The following DGKE variants were observed in gnomAD, a reference collection of about 807,000 sequenced individuals.
DGKE encodes the protein DAG kinase epsilon.
In DGKE, 53 loss-of-function variants were observed where a neutral mutation model predicts 70.0. That is an observed-to-expected ratio of 0.76 (90% CI 0.61 to 0.95). DGKE has a LOEUF of 0.95. Among genes scored for constraint, DGKE ranks in the 40% least tolerant of loss-of-function variants. DGKE has a pLI of 0.00. For missense variants in DGKE, 655 were observed against 706.9 expected, an observed-to-expected ratio of 0.93 and a Z score of 0.83; for synonymous variants, 291 against 257.0, an observed-to-expected ratio of 1.13 and a Z score of -1.27.
intron 3 of DGKE, among the ~76,000 whole-genome samples, chr17:56,845,376 A>G (rs1006331288): frequency 6.6e-6 from 1 of 152,170 alleles, no homozygotes; most frequent in South Asian, 2.1e-4. Flanking sequence ...TTTAAGTCCA[A>G]ACTTTCTAAT....
Position 56,845,670 on chromosome 17 carries a change from C to T in DGKE, c.625-20C>T, listed in dbSNP as rs901931356. On this transcript the variant is annotated intron_variant, in intron 3 of 11. Coordinates refer to ENST00000284061, the MANE Select transcript of DGKE (RefSeq NM_003647.3). ...ATCTTTAAGATACTAAACCTTTTCA[C>T]TCATGGCAATTTTTTTTAGCTAGCC... 3.1e-6 allele frequency: 5 copies of T among 1,600,348 alleles called. No homozygotes were observed. Among genetic ancestry groups the T allele is most frequent in the Non-Finnish European group, 2.6e-6 (3 of 1,175,146 alleles).
At chr17:56,849,903 C>G (rs1026285788) in intron 7 of DGKE, among the ~76,000 whole-genome samples, 6 of 151,864 alleles carry the variant, frequency 4.0e-5, no homozygotes, top group African/African-American at 1.5e-4. Flanking sequence ...GGAATAAAGA[C>G]AGAGCTAGAG....
chr17:56,869,295 C>T lies in DGKE; in HGVS notation c.*6504C>T, dbSNP rs1437751448. 1.3e-5 allele frequency: 2 copies of T among 152,176 alleles called. No homozygotes were observed. Among genetic ancestry groups the T allele is most frequent in the Non-Finnish European group, 1.5e-5 (1 of 68,042 alleles). 9.4% of individuals were successfully genotyped at this position (152,176 alleles called of 1,614,324 possible). On this transcript the variant is annotated 3_prime_UTR_variant, in exon 12 of 12. Transcript: ENST00000284061. ...TATTGGTTGGCAACTAATTGACTATCGTCTACCATAAGGTTATATGATAAT... is the reference window on the plus strand; with the variant it reads ...TATTGGTTGGCAACTAATTGACTATTGTCTACCATAAGGTTATATGATAAT...
rs536286278 is a variant in DGKE at position 56,869,009 on chromosome 17, C to A, written c.*6218C>A. 1 of 152,124 alleles carries A rather than the reference C, an allele frequency of 6.6e-6. No homozygotes were observed. Among genetic ancestry groups the A allele is most frequent in the African/African-American group, 2.4e-5 (1 of 41,416 alleles). The allele number at this position is 152,124 out of a possible 1,614,324, so 9.4% of individuals were successfully genotyped here. A position where few individuals can be genotyped will look rare whatever the true frequency, so the allele number is the denominator to read the frequency against. ...AAAATGTATCACTTATTTGAAATACCTGAATGGAAACCCAGCCTCTACTAC... is the reference window on the plus strand; with the variant it reads ...AAAATGTATCACTTATTTGAAATACATGAATGGAAACCCAGCCTCTACTAC... On this transcript the variant is annotated 3_prime_UTR_variant, in exon 12 of 12. Coordinates refer to ENST00000284061, the MANE Select transcript of DGKE (RefSeq NM_003647.3).
rs1908471596 is a variant in DGKE at position 56,864,930 on chromosome 17, T to A, written c.*2139T>A. The A allele has an allele frequency of 6.6e-6, 1 of 152,190 alleles. No homozygotes were observed. Among genetic ancestry groups the A allele is most frequent in the Non-Finnish European group, 1.5e-5 (1 of 68,010 alleles). The allele number at this position is 152,190 out of a possible 1,614,324, so 9.4% of individuals were successfully genotyped here. ...CCCTCATTTATCTAAATAAGTTGAT[T>A]TTTTGGTTATTGTAATCTAGTAAGG... On this transcript the variant is annotated 3_prime_UTR_variant, in exon 12 of 12. Transcript: ENST00000284061.
intron 9 of DGKE, among the ~76,000 whole-genome samples, chr17:56,861,019 G>C (rs750333243): frequency 6.6e-6 from 1 of 152,242 alleles, no homozygotes; most frequent in African/African-American, 2.4e-5. Context: ...CAACCGCTCT[G>C]TGAGGGATGC....
chr17:56,851,601 T>C (rs1187316981), intron 7 of DGKE, among the ~76,000 whole-genome samples: 3 of 152,218 alleles, frequency 2.0e-5, no homozygotes, highest in Non-Finnish European at 4.4e-5. Context: ...TTGCCTTTTA[T>C]GCCTTACTCT....
chr17:56,840,273 C>T (rs796667629), intron 2 of DGKE, among the ~76,000 whole-genome samples: 3 of 152,236 alleles, frequency 2.0e-5, no homozygotes, highest in African/African-American at 7.2e-5. Flanking sequence ...TTTTATGAAT[C>T]GTGTTAGGAC....
At chr17:56,856,437 T>G in intron 7 of DGKE, 75 bp from the exon 8 acceptor site, 3 of 1,465,350 alleles carry the variant, frequency 2.0e-6, no homozygotes, top group African/African-American at 1.4e-5. Flanking sequence ...ACACAAAGAC[T>G]AAGATTGACA....
At chr17:56,856,814 C>A in intron 8 of DGKE, 189 bp downstream of exon 8, 1 of 399,226 alleles carries the variant, frequency 2.5e-6, no homozygotes, top group Non-Finnish European at 3.4e-6. Context: ...TGTGCTTTAT[C>A]AGGCCAGGCA....
intron 2 of DGKE, among the ~76,000 whole-genome samples, chr17:56,841,610 T>C (rs930180861): frequency 6.6e-6 from 1 of 152,190 alleles, no homozygotes; most frequent in Non-Finnish European, 1.5e-5. Flanking sequence ...TATTAATAAG[T>C]GTTAGTTATG....
intron 2 of DGKE, among the ~76,000 whole-genome samples, chr17:56,839,175 C>T (rs1906811462): frequency 6.6e-6 from 1 of 151,754 alleles, no homozygotes; most frequent in Non-Finnish European, 1.5e-5. Context: ...TTCAAATGAT[C>T]AAAAAAATAT....
In DGKE at chr17:56,865,967, G is replaced by T. The variant is rs1908509511; in HGVS notation, c.*3176G>T. The T allele has an allele frequency of 6.6e-6, 1 of 152,052 alleles. No individual in the cohort carries two copies. Among genetic ancestry groups the T allele is most frequent in the African/African-American group, 2.4e-5 (1 of 41,404 alleles). The allele number at this position is 152,052 out of a possible 1,614,324, so 9.4% of individuals were successfully genotyped here. On this transcript the variant is annotated 3_prime_UTR_variant, in exon 12 of 12. Transcript: ENST00000284061. The stretch of plus-strand genomic sequence containing the variant: ...GTTTTGTGTGGTTTTCCTTCAAAAT[G>T]ATAATATTGAAGCAAGAACCAGCAT...
At position 56,844,198 on chromosome 17, in the gene DGKE, C is replaced by G. The variant is rs183972017; in HGVS notation, c.624+20C>G. On this transcript the variant is annotated intron_variant, in intron 3 of 11. Transcript: ENST00000284061. ...GAAGTGGTAATTAGAGTTTATTTCT[C>G]TAATATGATTGATTTTTAAAAAGCT... is the stretch of plus-strand genomic sequence containing the variant. The G allele has an allele frequency of 3.2e-5, 46 of 1,425,810 alleles. No homozygotes were observed. The East Asian group carries it at 5.0e-4, about 15-fold the overall frequency. 88.3% of individuals were successfully genotyped at this position (1,425,810 alleles called of 1,614,324 possible). A position where few individuals can be genotyped will look rare whatever the true frequency, so the allele number is the denominator to read the frequency against.
chr17:56,844,100 C>A lies in DGKE; in HGVS notation c.546C>A (p.Phe182Leu). 1 of 1,583,038 alleles carries A rather than the reference C, an allele frequency of 6.3e-7. No homozygotes were observed. The highest frequency in any genetic ancestry group is 1.2e-5 in the South Asian group (1 of 85,506). ...LKNEKCDFGE[F>L]KNLIIPPSYL... ...ATGAAAAATGTGATTTTGGAGAATT[C>A]AAAAACCTAATCATTCCACCAAGTT... The change falls in exon 3 of 12, where the codon TTC becomes TTA. Residue 182 changes from phenylalanine to leucine, a missense_variant. Transcript: ENST00000284061.
intron 4 of DGKE, 130 bp from the exon 5 acceptor site, chr17:56,847,792 G>A (rs1355818106): frequency 7.7e-6 from 4 of 521,256 alleles, no homozygotes; most frequent in African/African-American, 2.0e-5. Context: ...AGGGTGCCTG[G>A]CATATTGTTA....
Position 56,866,839 on chromosome 17 carries a change from G to A in DGKE, c.*4048G>A, listed in dbSNP as rs935534051. 3 of 152,184 alleles carry A rather than the reference G, an allele frequency of 2.0e-5. No individual in the cohort carries two copies. The highest frequency in any genetic ancestry group is 7.2e-5 in the African/African-American group (3 of 41,446). The allele number at this position is 152,184 out of a possible 1,614,324, so 9.4% of individuals were successfully genotyped here. On this transcript the variant is annotated 3_prime_UTR_variant, in exon 12 of 12. Transcript: ENST00000284061. ...AAATGATTCTGCTATTTTTTATAAA[G>A]GGTTTGAAAGCCACTACTATAATGA...
In DGKE at chr17:56,866,448, A is replaced by G. The variant is rs1218035009; in HGVS notation, c.*3657A>G. 1 of 152,264 alleles carries G rather than the reference A, an allele frequency of 6.6e-6. No individual in the cohort carries two copies. Among genetic ancestry groups the G allele is most frequent in the African/African-American group, 2.4e-5 (1 of 41,472 alleles). 9.4% of individuals were successfully genotyped at this position (152,264 alleles called of 1,614,324 possible). A position where few individuals can be genotyped will look rare whatever the true frequency, so the allele number is the denominator to read the frequency against. ...TAGGGCTTTTGCTAGGTGGGATACC[A>G]TGCCGAAAAATTGAATTAATTGTAT... is the stretch of plus-strand genomic sequence containing the variant. On this transcript the variant is annotated 3_prime_UTR_variant, in exon 12 of 12. Transcript: ENST00000284061.
chr17:56,858,594 G>A lies in DGKE; in HGVS notation c.1213G>A (p.Ala405Thr), dbSNP rs1021695324. The A allele has an allele frequency of 6.3e-7, 1 of 1,597,678 alleles. No individual in the cohort carries two copies. Among genetic ancestry groups the A allele is most frequent in the East Asian group, 2.2e-5 (1 of 44,602 alleles). The stretch of plus-strand genomic sequence containing the variant: ...TATATTTTCTGTCCATTTTTCATAG[G>A]CGGTTTACTTATTCTATGGAACCAA... ...SLFSSRILNK[A>T]VYLFYGTKDC... The change falls in exon 9 of 12, where the codon GCG becomes ACG. Residue 405 changes from alanine (A) to threonine (T), a missense_variant and splice_region_variant. Ala to Thr is a moderately conservative substitution (Grantham distance 58). Coordinates refer to ENST00000284061, the MANE Select transcript of DGKE (RefSeq NM_003647.3).
Sources: gnomAD v4.1 joint callset for allele counts (sites outside exome capture counted in the v4.1 genomes callset) on GRCh38, gnomAD v4.1.1 for gene constraint, MANE v1.5 for transcripts, NCBI Gene and HGNC (gene_info 2026-07-23, HGNC 2026-07-21) for gene names.